AMBRA1: variants seen among roughly 807,000 people sequenced by gnomAD.
AMBRA1 encodes autophagy and beclin 1 regulator 1, also known as activating molecule in BECN1-regulated autophagy protein 1.
Under a neutral mutation model 125.4 loss-of-function variants are expected in AMBRA1, and 47 were observed. The observed-to-expected ratio is 0.37, with a 90% confidence interval of 0.30 to 0.48. The LOEUF (loss-of-function observed/expected upper bound fraction) is 0.48. Ranked by LOEUF, AMBRA1 falls within the 20% of genes least tolerant of loss-of-function variation. The probability of loss-of-function intolerance (pLI) is 0.99; values close to 1 mark genes in which losing one functional copy is unlikely to be tolerated. For synonymous variants in AMBRA1, 626 were observed against 655.5 expected, an observed-to-expected ratio of 0.95 and a Z score of 0.69; for missense variants, 1,331 against 1,693.4, an observed-to-expected ratio of 0.79 and a Z score of 3.76.
Position 46,566,380 on chromosome 11 carries a change from G to A in AMBRA1, c.-120-17880C>T, listed in dbSNP as rs571863702. On this transcript the variant is annotated intron_variant, in intron 1 of 17. Coordinates refer to ENST00000683756, the MANE Select transcript of AMBRA1 (RefSeq NM_001387011.1). Reference sequence around the variant, plus strand: ...TTGCAGTGAGCCGAGATTGAGCCACGGCACTCCAGCCTGGGTGACACAGCG... The same window carrying A: ...TTGCAGTGAGCCGAGATTGAGCCACAGCACTCCAGCCTGGGTGACACAGCG... Among the ~76,000 whole-genome samples, 52 of 151,620 alleles carry A rather than the reference G, an allele frequency of 3.4e-4. 1 individual carries two copies. The highest frequency in any genetic ancestry group is 1.2e-3 in the African/African-American group (49 of 41,326).
chr11:46,569,978 A>C (rs1398340468), intron 1 of AMBRA1, among the ~76,000 whole-genome samples: 1 of 150,566 alleles, frequency 6.6e-6, no homozygotes, highest in Non-Finnish European at 1.5e-5. Context: ...ATAAATAATA[A>C]AGGCCAGGCA....
chr11:46,503,218 C>T (rs1950909415), intron 9 of AMBRA1, among the ~76,000 whole-genome samples: 1 of 152,010 alleles, frequency 6.6e-6, no homozygotes, highest in South Asian at 2.1e-4. Flanking sequence ...GAGAGATGTG[C>T]AACTCTTCCT....
chr11:46,549,976 A>G (rs1036039107), intron 1 of AMBRA1, among the ~76,000 whole-genome samples: 8 of 151,772 alleles, frequency 5.3e-5, no homozygotes, highest in African/African-American at 1.9e-4. Context: ...CTGCCACCAC[A>G]CCCAGCTAAT....
chr11:46,554,858 G>A (rs1004813964), intron 1 of AMBRA1, among the ~76,000 whole-genome samples: 5 of 152,234 alleles, frequency 3.3e-5, no homozygotes, highest in East Asian at 3.9e-4. Flanking sequence ...TTGTGATACC[G>A]TCACACAGTC....
At chr11:46,555,219 TAA>T (rs1488125468) in intron 1 of AMBRA1, among the ~76,000 whole-genome samples, 1 of 152,198 alleles carries the variant, frequency 6.6e-6, no homozygotes, top group African/African-American at 2.4e-5. Context: ...TATTTAATTC[TAA>T]GAGACAATTA....
At chr11:46,587,206 C>T (rs184726084) in intron 1 of AMBRA1, among the ~76,000 whole-genome samples, 291 of 151,992 alleles carry the variant, frequency 1.9e-3, no homozygotes, top group African/African-American at 6.9e-3. Flanking sequence ...ATGGTGAAAC[C>T]CCATCTCTAC....
rs143659757 is a variant in AMBRA1, at chr11:46,498,933, C to G, written c.2340-4729G>C. Among the ~76,000 whole-genome samples the G allele has an allele frequency of 1.7e-4, 26 of 152,342 alleles. 1 individual carries two copies. The East Asian group carries it at 4.8e-3, about 28-fold the overall frequency. On this transcript the variant is annotated intron_variant, in intron 9 of 17. Transcript: ENST00000683756. The stretch of plus-strand genomic sequence containing the variant: ...TCCTGTCCCTGGAGAGCACAGTGAT[C>G]TTGGTCAACTCATTTCCTTACTGGA...
At chr11:46,471,586 T>C (rs1189618714) in intron 11 of AMBRA1, among the ~76,000 whole-genome samples, 1 of 151,512 alleles carries the variant, frequency 6.6e-6, no homozygotes, top group Non-Finnish European at 1.5e-5. Flanking sequence ...AAGAGTATTT[T>C]GGCATTTCCC....
intron 11 of AMBRA1, among the ~76,000 whole-genome samples, chr11:46,466,781 A>G (rs2136860760): frequency 6.6e-6 from 1 of 152,284 alleles, no homozygotes; most frequent in East Asian, 1.9e-4. Context: ...ATAAAGTTAA[A>G]TGGCAGCCTC....
intron 11 of AMBRA1, among the ~76,000 whole-genome samples, chr11:46,452,509 G>T (rs536177310): frequency 6.6e-6 from 1 of 152,162 alleles, no homozygotes; most frequent in East Asian, 1.9e-4. Flanking sequence ...TTCTCTTATG[G>T]ATTATCTGAG....
At chr11:46,458,832 A>G (rs929291740) in intron 11 of AMBRA1, among the ~76,000 whole-genome samples, 2 of 152,216 alleles carry the variant, frequency 1.3e-5, no homozygotes, top group Non-Finnish European at 2.9e-5. Context: ...ATACACAAGG[A>G]ATGTCACCAT....
chr11:46,509,281 A>G (rs903626246), intron 8 of AMBRA1, among the ~76,000 whole-genome samples: 2 of 152,228 alleles, frequency 1.3e-5, no homozygotes, highest in Non-Finnish European at 2.9e-5. Flanking sequence ...TGCCTTCTCA[A>G]GTTTTCCTCC....
At chr11:46,400,020 A>G (rs566061675) in intron 17 of AMBRA1, among the ~76,000 whole-genome samples, 1 of 152,306 alleles carries the variant, frequency 6.6e-6, no homozygotes, top group South Asian at 2.1e-4. Flanking sequence ...CGCACAGCCC[A>G]GGCACTTGGT....
intron 7 of AMBRA1, among the ~76,000 whole-genome samples, chr11:46,517,922 G>GTA (rs1565242725): frequency 2.0e-5 from 3 of 151,212 alleles, no homozygotes; most frequent in South Asian, 2.1e-4. Context: ...ACCCATATTC[G>GTA]TATATATATA....
intron 11 of AMBRA1, among the ~76,000 whole-genome samples, chr11:46,461,970 C>G (rs148778554): frequency 1.9e-3 from 283 of 152,298 alleles, no homozygotes; most frequent in South Asian, 4.1e-3. Context: ...TACTGCCCCC[C>G]ACTATCTAGA....
rs55713914 is a variant in AMBRA1, at chr11:46,556,733, A to G, written c.-120-8233T>C. On this transcript the variant is annotated intron_variant, in intron 1 of 17. Coordinates refer to ENST00000683756, the MANE Select transcript of AMBRA1 (RefSeq NM_001387011.1). ...GTTTCCTCATCCATAAAATGTGACT[A>G]TTGATAGTATGTATATCACAGGGCT... 3.5e-3 allele frequency among the ~76,000 whole-genome samples: 539 copies of G among 152,306 alleles called. 2 individuals carry two copies. Among genetic ancestry groups the G allele is most frequent in the Non-Finnish European group, 4.1e-3 (279 of 68,030 alleles).
intron 11 of AMBRA1, among the ~76,000 whole-genome samples, chr11:46,460,382 C>T (rs1045736434): frequency 6.6e-6 from 1 of 150,618 alleles, no homozygotes; most frequent in Non-Finnish European, 1.5e-5. Flanking sequence ...AGCACAGTGG[C>T]GCAATCTTGG....
At chr11:46,485,931 C>T (rs2136934777) in intron 11 of AMBRA1, among the ~76,000 whole-genome samples, 1 of 152,262 alleles carries the variant, frequency 6.6e-6, no homozygotes. Context: ...GACTCGAATG[C>T]TCCAGTGACT....
chr11:46,547,226 G>T lies in AMBRA1; in HGVS notation c.265C>A (p.His89Asn), dbSNP rs770512698. ...GTACGGCGGTGTCCAATCAGGGAAT[G>T]AACACACTTGCCAGTCTTCACCTCC... ...ITEVKTGKCV[H>N]SLIGHRRTPW... The change falls in exon 4 of 18, where the codon CAT becomes AAT. Residue 89 changes from histidine to asparagine, a missense_variant. Around this residue, in one of 4 missense-constraint regions of AMBRA1, gnomAD observed 144 missense variants for 250.4 expected, o/e 0.58. Transcript: ENST00000683756. The T allele has an allele frequency of 3.1e-6, 5 of 1,613,970 alleles. No individual in the cohort carries two copies. The East Asian group carries it at 8.9e-5, about 29-fold the overall frequency.
Sources: allele counts gnomAD v4.1 joint callset (sites outside exome capture counted in the v4.1 genomes callset), GRCh38; gene constraint gnomAD v4.1.1; regional missense constraint gnomAD v4.1.1; transcripts MANE v1.5; gene names NCBI Gene and HGNC (gene_info 2026-07-23, HGNC 2026-07-21).